LRP12: variants seen among roughly 807,000 people sequenced by gnomAD.
LRP12 encodes the protein low-density lipoprotein receptor-related protein 12.
LRP12 carries 14 observed loss-of-function variants against 66.0 expected under a neutral mutation model. That is an observed-to-expected ratio of 0.21 (90% CI 0.14 to 0.33). LRP12 has a LOEUF of 0.33. Ranked by LOEUF, LRP12 falls within the 10% of genes least tolerant of loss-of-function variation. The pLI, the probability that LRP12 is intolerant of heterozygous loss-of-function variation, is 1.00. For missense variants in LRP12, 889 were observed against 1,053.4 expected (o/e 0.84, Z 2.16); for synonymous variants, 357 against 359.1 (o/e 0.99, Z 0.07).
intron 1 of LRP12, among the ~76,000 whole-genome samples, chr8:104,548,258 T>A (rs1270618110): frequency 5.8e-4 from 57 of 99,002 alleles, no homozygotes; most frequent in African/African-American, 2.6e-3. Flanking sequence ...TATATTATAT[T>A]AATATATGAT....
intron 5 of LRP12, among the ~76,000 whole-genome samples, chr8:104,496,703 G>C (rs992467178): frequency 2.6e-5 from 4 of 152,120 alleles, no homozygotes; most frequent in Non-Finnish European, 5.9e-5. Flanking sequence ...GAGAGCTGCA[G>C]CTTACAATAT....
In LRP12 at chr8:104,554,243, A is replaced by G. The variant is rs142244592; in HGVS notation, c.80-22280T>C. ...TTTAACACCCCCAAAAGATCACACT[A>G]GCTCACCAGCAATGGATCCAAACCA... On this transcript the variant is annotated intron_variant, in intron 1 of 6. Transcript: ENST00000276654. Among the ~76,000 whole-genome samples the G allele has an allele frequency of 5.1e-4, 78 of 152,296 alleles. No individual in the cohort carries two copies. In the East Asian group the frequency reaches 0.015, roughly 29 times the overall value.
At chr8:104,525,003 G>T (rs891616406) in intron 2 of LRP12, among the ~76,000 whole-genome samples, 4 of 152,102 alleles carry the variant, frequency 2.6e-5, no homozygotes, top group Non-Finnish European at 4.4e-5. Flanking sequence ...CTATGTAGCA[G>T]ATGAGCAGTA....
At chr8:104,555,470 G>T (rs1811791666) in intron 1 of LRP12, among the ~76,000 whole-genome samples, 1 of 152,000 alleles carries the variant, frequency 6.6e-6, no homozygotes, top group Non-Finnish European at 1.5e-5. Flanking sequence ...TGCAAATGGA[G>T]ACCAAAAGTG....
chr8:104,525,431 G>T (rs12114034), intron 2 of LRP12, among the ~76,000 whole-genome samples: 2,723 of 152,080 alleles, frequency 0.018, 88 homozygotes, highest in African/African-American at 0.061. Context: ...GAAGAAGATG[G>T]AAATAAACAG....
chr8:104,532,256 A>G (rs1435824217), intron 1 of LRP12, among the ~76,000 whole-genome samples: 1 of 152,024 alleles, frequency 6.6e-6, no homozygotes, highest in African/African-American at 2.4e-5. Flanking sequence ...AAGGGAAGTC[A>G]GTACTGCTAC....
intron 1 of LRP12, among the ~76,000 whole-genome samples, chr8:104,542,994 A>AATATATATATATATATATATATATATAT (rs149279085): frequency 9.7e-5 from 14 of 144,126 alleles, no homozygotes; most frequent in African/African-American, 3.1e-4. Context: ...AACACACACA[A>AATATATATATATATATATATATATATAT]ATATATATAT....
intron 1 of LRP12, among the ~76,000 whole-genome samples, chr8:104,563,014 T>C (rs1811938245): frequency 6.6e-6 from 1 of 152,164 alleles, no homozygotes; most frequent in African/African-American, 2.4e-5. Context: ...CTGCATTTTG[T>C]TTACGGAGAT....
At chr8:104,491,893 T>C (rs887267802) in intron 6 of LRP12, among the ~76,000 whole-genome samples, 2 of 151,992 alleles carry the variant, frequency 1.3e-5, no homozygotes, top group Admixed American at 6.6e-5. Context: ...AAATTGATAC[T>C]TCTGTAACTA....
intron 1 of LRP12, among the ~76,000 whole-genome samples, chr8:104,573,214 CAT>C (rs1429042950): frequency 6.6e-6 from 1 of 152,150 alleles, no homozygotes; most frequent in Non-Finnish European, 1.5e-5. Flanking sequence ...ACTACTAGGT[CAT>C]AGTTTAGATA....
intron 1 of LRP12, among the ~76,000 whole-genome samples, chr8:104,538,586 A>C (rs1435167041): frequency 6.6e-6 from 1 of 152,178 alleles, no homozygotes; most frequent in African/African-American, 2.4e-5. Flanking sequence ...GGATTCAGCC[A>C]TTGACTATCA....
At chr8:104,499,653 G>A (rs16871501) in intron 3 of LRP12, 134 bp from the exon 4 acceptor site, 6,638 of 570,324 alleles carry the variant, frequency 0.012, 311 homozygotes, top group African/African-American at 0.11. Flanking sequence ...GCATACAACC[G>A]TATCATTAGC....
rs567272149 is a variant in LRP12, at chr8:104,543,783, G to A, written c.80-11820C>T. ...CTGAAAACACAAAAATGAGCTAGGC[G>A]TGGTGGCGCATGCCTGTAATCTCAG... is the stretch of plus-strand genomic sequence containing the variant. On this transcript the variant is annotated intron_variant, in intron 1 of 6. Transcript: ENST00000276654. 3.4e-3 allele frequency among the ~76,000 whole-genome samples: 514 copies of A among 152,214 alleles called. 3 individuals are homozygous for A. Among genetic ancestry groups the A allele is most frequent in the African/African-American group, 0.012 (480 of 41,526 alleles).
chr8:104,562,524 T>C (rs1811928746), intron 1 of LRP12, among the ~76,000 whole-genome samples: 2 of 152,198 alleles, frequency 1.3e-5, no homozygotes, highest in South Asian at 4.1e-4. Flanking sequence ...TTTCTACTTA[T>C]CAAGTATGAA....
chr8:104,585,060 A>T (rs957157416), intron 1 of LRP12, among the ~76,000 whole-genome samples: 2 of 152,180 alleles, frequency 1.3e-5, no homozygotes, highest in African/African-American at 4.8e-5. Flanking sequence ...AATAAGCTGA[A>T]AACCAGTTTA....
intron 2 of LRP12, among the ~76,000 whole-genome samples, chr8:104,517,280 A>G (rs113990460): frequency 0.018 from 2,697 of 151,554 alleles, 88 homozygotes; most frequent in African/African-American, 0.061. Flanking sequence ...GTGTAATTAA[A>G]CAGAAACAAA....
chr8:104,589,085 T>G lies in LRP12; in HGVS notation c.-188A>C. On this transcript the variant is annotated 5_prime_UTR_variant, in exon 1 of 7. Coordinates refer to ENST00000276654, the MANE Select transcript of LRP12 (RefSeq NM_013437.5). ...CCGCCCGCGCGCGCTCCCTCCTCCC[T>G]CCTCCCTCCGGCTCGCCTGCTCCCA... 1 of 247,552 alleles carries G rather than the reference T, an allele frequency of 4.0e-6. No homozygotes were observed. The highest frequency in any genetic ancestry group is 7.6e-6 in the Non-Finnish European group (1 of 132,194). The allele number at this position is 247,552 out of a possible 1,614,324, so 15.3% of individuals were successfully genotyped here. A position where few individuals can be genotyped will look rare whatever the true frequency, so the allele number is the denominator to read the frequency against.
chr8:104,569,739 G>A (rs1426232479), intron 1 of LRP12, among the ~76,000 whole-genome samples: 6 of 152,016 alleles, frequency 3.9e-5, no homozygotes, highest in Admixed American at 6.5e-5. Context: ...AATACTTTCC[G>A]CCCATGATGG....
Position 104,489,797 on chromosome 8 carries a change from A to G in LRP12, c.*876T>C, listed in dbSNP as rs978219889. Reference sequence around the variant, plus strand: ...CTAAGCTCATCTGAGACCTTGATATAATTTTAGTGCAAATCCCTAGGGTCC... The same window carrying G: ...CTAAGCTCATCTGAGACCTTGATATGATTTTAGTGCAAATCCCTAGGGTCC... On this transcript the variant is annotated 3_prime_UTR_variant, in exon 7 of 7. Transcript: ENST00000276654. The G allele has an allele frequency of 1.3e-5, 2 of 152,594 alleles. No individual in the cohort carries two copies. The highest frequency in any genetic ancestry group is 1.9e-4 in the East Asian group (1 of 5,196). 9.5% of individuals were successfully genotyped at this position (152,594 alleles called of 1,614,324 possible).
Sources: allele counts gnomAD v4.1 joint callset (sites outside exome capture counted in the v4.1 genomes callset), GRCh38; gene constraint gnomAD v4.1.1; transcripts MANE v1.5; gene names NCBI Gene and HGNC (gene_info 2026-07-23, HGNC 2026-07-21).